Variants in MAP3K13 observed in about 807,000 individuals in gnomAD.
MAP3K13 encodes the protein leucine zipper-bearing kinase.
A neutral mutation model predicts 104.0 loss-of-function variants in MAP3K13; 52 were observed. The observed-to-expected ratio is 0.50, with a 90% confidence interval of 0.40 to 0.63. MAP3K13 has a LOEUF of 0.63. MAP3K13 is among the 20% of genes least tolerant of loss of function. The pLI, the probability that MAP3K13 is intolerant of heterozygous loss-of-function variation, is 0.00. For missense variants in MAP3K13, 914 were observed against 1,218.5 expected (o/e 0.75, Z 3.72); for synonymous variants, 394 against 442.2 (o/e 0.89, Z 1.37).
At chr3:185,325,516 C>G (rs752426594) in intron 2 of MAP3K13, among the ~76,000 whole-genome samples, 2 of 152,194 alleles carry the variant, frequency 1.3e-5, no homozygotes, top group Non-Finnish European at 1.5e-5. Flanking sequence ...ATCCCTTGCT[C>G]TCTCCTCCTC....
chr3:185,353,705 A>G (rs1292154103), intron 2 of MAP3K13, among the ~76,000 whole-genome samples: 2 of 152,194 alleles, frequency 1.3e-5, no homozygotes, highest in Non-Finnish European at 2.9e-5. Flanking sequence ...TTTGACTTCT[A>G]GTTCTTCACT....
At chr3:185,470,359 A>G (rs1475449871) in intron 10 of MAP3K13, among the ~76,000 whole-genome samples, 2 of 152,206 alleles carry the variant, frequency 1.3e-5, no homozygotes, top group African/African-American at 4.8e-5. Flanking sequence ...CCTTGGAGTC[A>G]GTGTGGGCAA....
At chr3:185,347,759 C>T (rs1038702442) in intron 2 of MAP3K13, among the ~76,000 whole-genome samples, 5 of 151,930 alleles carry the variant, frequency 3.3e-5, no homozygotes, top group Admixed American at 6.6e-5. Context: ...CTGTAATCCC[C>T]GCACTTTGGG....
intron 2 of MAP3K13, among the ~76,000 whole-genome samples, chr3:185,300,705 T>A (rs988731760): frequency 6.6e-6 from 1 of 151,816 alleles, no homozygotes; most frequent in African/African-American, 2.4e-5. Context: ...TTGGTCAGGC[T>A]GGTCTCAAAC....
chr3:185,340,419 G>A (rs1432489513), intron 2 of MAP3K13, among the ~76,000 whole-genome samples: 1 of 152,200 alleles, frequency 6.6e-6, no homozygotes, highest in East Asian at 1.9e-4. Flanking sequence ...TATTAAGGAA[G>A]TGGCAGGAAA....
rs75401656 is a variant in MAP3K13 at position 185,341,462 on chromosome 3, T to C, written c.-86+55819T>C. On this transcript the variant is annotated intron_variant, in intron 2 of 14. Coordinates refer to the MAP3K13 transcript ENST00000424227. Reference sequence around the variant, plus strand: ...ATTTTGGAGTTCTAGCCTCTAGAACTGTAAAAGAAAAAATTTCTGTTGTTT... The same window carrying C: ...ATTTTGGAGTTCTAGCCTCTAGAACCGTAAAAGAAAAAATTTCTGTTGTTT... Among the ~76,000 whole-genome samples, 679 of 152,320 alleles carry C rather than the reference T, an allele frequency of 4.5e-3. 4 individuals carry two copies. Among genetic ancestry groups the C allele is most frequent in the African/African-American group, 0.016 (656 of 41,572 alleles).
At chr3:185,333,760 G>T (rs1267077172) in intron 2 of MAP3K13, among the ~76,000 whole-genome samples, 3 of 152,136 alleles carry the variant, frequency 2.0e-5, no homozygotes, top group African/African-American at 7.2e-5. Flanking sequence ...GAAAAAAATA[G>T]AAAGAAAAAG....
At chr3:185,454,652 T>G (rs188746823) in intron 7 of MAP3K13, among the ~76,000 whole-genome samples, 1,054 of 39,146 alleles carry the variant, frequency 0.027, 179 homozygotes, top group Middle Eastern at 0.12. Context: ...ATATATATGA[T>G]ATATATATGA....
At chr3:185,452,865 C>A (rs186343804) in intron 7 of MAP3K13, among the ~76,000 whole-genome samples, 20 of 152,286 alleles carry the variant, frequency 1.3e-4, no homozygotes, top group Admixed American at 1.2e-3. Flanking sequence ...CAAGTGATTT[C>A]CAGGCCTGTG....
intron 2 of MAP3K13, chr3:185,291,989 C>A (rs1381649536): frequency 1.6e-5 from 17 of 1,041,250 alleles, no homozygotes; most frequent in Non-Finnish European, 1.8e-5. Flanking sequence ...AGAATTAGGT[C>A]TTTTATCATA....
chr3:185,464,964 C>G (rs540203753), intron 8 of MAP3K13, among the ~76,000 whole-genome samples: 3 of 152,124 alleles, frequency 2.0e-5, no homozygotes, highest in African/African-American at 7.2e-5. Context: ...ATGACCTAAT[C>G]ACCTCCTAAA....
At chr3:185,308,811 T>C (rs1255345618) in intron 2 of MAP3K13, among the ~76,000 whole-genome samples, 4 of 152,248 alleles carry the variant, frequency 2.6e-5, no homozygotes. Flanking sequence ...AGGGCTGGAC[T>C]GGCTTGGGGA....
chr3:185,482,382 T>G lies in MAP3K13; in HGVS notation c.2827T>G (p.Cys943Gly). The change falls in exon 14 of 14, where the codon TGT (cysteine) becomes GGT (glycine). Residue 943 changes from cysteine to glycine, a missense_variant. By Grantham distance (159) the Cys-to-Gly change is radical (BLOSUM62 -3). Around this residue, in one of 3 missense-constraint regions of MAP3K13, gnomAD observed 583 missense variants for 737.4 expected, o/e 0.79. Coordinates refer to ENST00000265026, the MANE Select transcript of MAP3K13 (RefSeq NM_004721.5). This position sits in a 1 kb window ranked among gnomAD's most constrained non-coding sequence, Gnocchi z 4.5. ...CCCCATGCAGTTTGAAGAATCGGAC[T>G]GTGACTCTTCAGATGGGGAGTGTTC... ...ENPMQFEESDCDSSDGECSDA... is the reference protein window; with the variant it reads ...ENPMQFEESDGDSSDGECSDA... 6.2e-7 allele frequency: 1 copy of G among 1,614,144 alleles called. No homozygotes were observed. The highest frequency in any genetic ancestry group is 8.5e-7 in the Non-Finnish European group (1 of 1,179,964).
rs544044952 is a variant in MAP3K13, at chr3:185,370,680, T to A, written c.-86+7312T>A. 4.7e-5 allele frequency among the ~76,000 whole-genome samples: 7 copies of A among 149,698 alleles called. No homozygotes were observed. The South Asian group carries it at 1.5e-3, about 32-fold the overall frequency. The stretch of plus-strand genomic sequence containing the variant: ...AATAGATTCCTGATCAGTTATGACT[T>A]CAACACCTTTAGGCATGCCCATTAT... On this transcript the variant is annotated intron_variant, in intron 1 of 13. Transcript: ENST00000265026.
intron 2 of MAP3K13, chr3:185,285,774 G>A: frequency 1.5e-6 from 1 of 672,490 alleles, no homozygotes; most frequent in South Asian, 2.5e-5. Flanking sequence ...ACCTTCCAAA[G>A]AGAGGTTTGT....
At chr3:185,436,216 A>G (rs1715021235) in intron 2 of MAP3K13, among the ~76,000 whole-genome samples, 1 of 152,246 alleles carries the variant, frequency 6.6e-6, no homozygotes, top group Non-Finnish European at 1.5e-5. Context: ...TGGTAAAAAT[A>G]GTTTTTAAGA....
At chr3:185,303,532 T>TTG (rs1553786050) in intron 2 of MAP3K13, among the ~76,000 whole-genome samples, 6 of 150,794 alleles carry the variant, frequency 4.0e-5, no homozygotes, top group African/African-American at 2.4e-5. Context: ...TTTTTTTTTT[T>TTG]TATGATTCAG....
intron 2 of MAP3K13, among the ~76,000 whole-genome samples, chr3:185,430,467 G>A (rs967119240): frequency 6.6e-6 from 1 of 151,826 alleles, no homozygotes; most frequent in Non-Finnish European, 1.5e-5. Flanking sequence ...CCACCCTCAC[G>A]TAGGCCCCAG....
chr3:185,307,367 C>T (rs1721320858), intron 2 of MAP3K13, among the ~76,000 whole-genome samples: 1 of 151,390 alleles, frequency 6.6e-6, no homozygotes, highest in Non-Finnish European at 1.5e-5. Flanking sequence ...AGGCATTCTT[C>T]ACTTTTCTTC....
Sources: allele counts gnomAD v4.1 joint callset (sites outside exome capture counted in the v4.1 genomes callset), GRCh38; gene constraint gnomAD v4.1.1; regional missense constraint gnomAD v4.1.1; non-coding constraint Gnocchi (gnomAD v3.1); transcripts MANE v1.5; gene names NCBI Gene and HGNC (gene_info 2026-07-23, HGNC 2026-07-21).